The following DHX8 variants were observed in gnomAD, a reference collection of about 807,000 sequenced individuals.
DHX8 encodes the protein DEAH-box helicase 8.
In DHX8, 67 loss-of-function variants were observed where a neutral mutation model predicts 140.7. The observed-to-expected ratio is 0.48, with a 90% confidence interval of 0.39 to 0.58. The LOEUF (loss-of-function observed/expected upper bound fraction) is 0.58, where lower values mean the gene tolerates loss of function less well. Ranked by LOEUF, DHX8 falls within the 20% of genes least tolerant of loss-of-function variation. The pLI is 0.00. For missense variants in DHX8, 887 were observed against 1,550.7 expected (o/e 0.57, Z 7.19); for synonymous variants, 533 against 553.2 (o/e 0.96, Z 0.51).
Position 43,508,371 on chromosome 17 carries a change from G to A in DHX8, c.2353G>A (p.Glu785Lys). Reference sequence around the variant, plus strand: ...CCTGGTCTTCCTGACTGGTCAGGAAGAAATTGATACTGCTTGTGAGATCCT... The same window carrying A: ...CCTGGTCTTCCTGACTGGTCAGGAAAAAATTGATACTGCTTGTGAGATCCT... ...DILVFLTGQEEIDTACEILYE... is the reference protein window; with the variant it reads ...DILVFLTGQEKIDTACEILYE... The change falls in exon 16 of 23, where the codon GAA becomes AAA. Residue 785 changes from glutamate (E) to lysine (K), a missense_variant. Physicochemically the swap from Glu to Lys is moderately conservative, Grantham distance 56 (BLOSUM62 1). Coordinates refer to ENST00000262415, the MANE Select transcript of DHX8 (RefSeq NM_004941.3). 6.2e-7 allele frequency: 1 copy of A among 1,612,590 alleles called. No homozygotes were observed. Among genetic ancestry groups the A allele is most frequent in the Non-Finnish European group, 8.5e-7 (1 of 1,178,850 alleles).
At chr17:43,530,069 A>G (rs1202640660), downstream of DHX8, 3 of 1,609,918 alleles carry the variant, frequency 1.9e-6, no homozygotes, top group African/African-American at 1.3e-5. Flanking sequence ...CCCTCCCCCA[A>G]CATGGAGGGC....
chr17:43,536,565 A>G, intron 3 of DHX8: 1 of 1,195,474 alleles, frequency 8.4e-7, no homozygotes, highest in Non-Finnish European at 1.2e-6. Context: ...GCAGATTAGC[A>G]ACAGCCAAGA....
intron 2 of DHX8, among the ~76,000 whole-genome samples, chr17:43,532,391 C>T (rs534997024): frequency 6.6e-5 from 10 of 151,788 alleles, no homozygotes; most frequent in East Asian, 3.9e-4. Context: ...CCCAGGTACT[C>T]GGGAGGCTGA....
Position 43,493,618 on chromosome 17 carries a change from A to C in DHX8, c.1008+29A>C, listed in dbSNP as rs1555550253. The C allele has an allele frequency of 5.6e-6, 9 of 1,614,034 alleles. No individual in the cohort carries two copies. In the South Asian group the frequency reaches 9.9e-5, roughly 18 times the overall value. On this transcript the variant is annotated intron_variant, in intron 7 of 22. Transcript: ENST00000262415. ...GGTGAGATGGTCAGCCTGTTCTTAC[A>C]TGTGATGGCCAAGGGAATGGAAGAG...
In DHX8 at chr17:43,520,765, T is replaced by C; in HGVS notation, c.2952T>C (p.Pro984=). The C allele has an allele frequency of 6.2e-7, 1 of 1,614,090 alleles. No homozygotes were observed. The highest frequency in any genetic ancestry group is 1.3e-5 in the African/African-American group (1 of 75,044). ...TRLGRRMAEF[P]LEPMLCKMLI... The stretch of plus-strand genomic sequence containing the variant: ...TGTCCCTCTAGATGGCAGAGTTCCC[T>C]CTGGAGCCAATGCTATGCAAAATGC... Residue 984 remains proline (P), a synonymous_variant, in exon 20 of 23, where the codon CCT becomes CCC. Coordinates refer to ENST00000262415, the MANE Select transcript of DHX8 (RefSeq NM_004941.3).
downstream of DHX8, chr17:43,530,406 A>G (rs1392470173): frequency 7.7e-6 from 11 of 1,421,032 alleles, no homozygotes; most frequent in Non-Finnish European, 9.2e-6. Flanking sequence ...GGCTGAGGCC[A>G]TGGAAGGCAG....
intron 2 of DHX8, chr17:43,533,146 A>G: frequency 6.2e-7 from 1 of 1,602,048 alleles, no homozygotes; most frequent in Non-Finnish European, 8.5e-7. Flanking sequence ...AATTGAAAAA[A>G]CACCTGGGCC....
At chr17:43,506,771 A>G (rs1030756669) in intron 12 of DHX8, among the ~76,000 whole-genome samples, 5 of 152,202 alleles carry the variant, frequency 3.3e-5, no homozygotes, top group Non-Finnish European at 7.3e-5. Flanking sequence ...GGGGAAAGAT[A>G]TAGAAATTTG....
Position 43,496,174 on chromosome 17 carries a change from T to C in DHX8, c.1213-7T>C. The stretch of plus-strand genomic sequence containing the variant: ...GTTACAAATGCTGCCTTCTCTTCTT[T>C]GGCTAGATGATTGCTGCCAATGTCC... On this transcript the variant is annotated splice_region_variant and splice_polypyrimidine_tract_variant and intron_variant, in intron 8 of 22. Coordinates refer to ENST00000262415, the MANE Select transcript of DHX8 (RefSeq NM_004941.3). The C allele has an allele frequency of 3.7e-6, 6 of 1,611,362 alleles. No individual in the cohort carries two copies. Among genetic ancestry groups the C allele is most frequent in the Non-Finnish European group, 4.2e-6 (5 of 1,178,456 alleles).
downstream of DHX8, chr17:43,530,247 A>C: frequency 6.5e-7 from 1 of 1,549,240 alleles, no homozygotes; most frequent in Admixed American, 2.0e-5. Flanking sequence ...GGGGAGGAGG[A>C]AGTCCTATCC....
downstream of DHX8, chr17:43,526,278 ATCT>A: frequency 7.4e-7 from 1 of 1,352,430 alleles, no homozygotes; most frequent in Middle Eastern, 2.9e-4. Flanking sequence ...GAGAGCTGGG[ATCT>A]TCTTGGCCAT....
At chr17:43,518,525 T>C (rs1970222575) in intron 18 of DHX8, 1 of 152,204 alleles carries the variant, frequency 6.6e-6, no homozygotes, top group Non-Finnish European at 1.5e-5. Flanking sequence ...CCCTCATAGA[T>C]ATATAGTAGA....
chr17:43,537,057 T>G (rs996316820), intron 3 of DHX8, among the ~76,000 whole-genome samples: 2 of 152,248 alleles, frequency 1.3e-5, no homozygotes, highest in African/African-American at 4.8e-5. Flanking sequence ...AGTGGGATCC[T>G]GTGGATTTAA....
chr17:43,492,638 C>A, intron 5 of DHX8, 43 bp from the exon 6 acceptor site: 1 of 1,191,570 alleles, frequency 8.4e-7, no homozygotes, highest in Non-Finnish European at 1.2e-6. Context: ...AAGATGAAAT[C>A]GGATTGGTTT....
chr17:43,487,056 CCA>C (rs1567672082), intron 1 of DHX8, among the ~76,000 whole-genome samples: 1 of 152,098 alleles, frequency 6.6e-6, no homozygotes, highest in African/African-American at 2.4e-5. Context: ...CTAGCTCCCC[CCA>C]GTTATTATTG....
intron 11 of DHX8, among the ~76,000 whole-genome samples, chr17:43,504,443 C>G (rs1221758730): frequency 6.6e-6 from 1 of 152,242 alleles, no homozygotes; most frequent in African/African-American, 2.4e-5. Flanking sequence ...TGTAGCACCA[C>G]TTGTTACAGT....
chr17:43,510,905 A>AT (rs1362262352), intron 16 of DHX8, among the ~76,000 whole-genome samples: 1 of 152,102 alleles, frequency 6.6e-6, no homozygotes, highest in African/African-American at 2.4e-5. Context: ...ATTTCCAGTG[A>AT]TTTTTCCAGA....
chr17:43,526,649 C>G (rs895031567), downstream of DHX8: 35 of 1,529,976 alleles, frequency 2.3e-5, no homozygotes, highest in African/African-American at 4.5e-4. Context: ...GGAGACCTTT[C>G]TTTCCCTGGA....
chr17:43,522,578 G>A (rs933267970), intron 22 of DHX8, among the ~76,000 whole-genome samples: 3 of 151,504 alleles, frequency 2.0e-5, no homozygotes, highest in African/African-American at 7.3e-5. Context: ...GAGAAACCCT[G>A]TCTCTACTAA....
Sources: gnomAD v4.1 joint callset for allele counts (sites outside exome capture counted in the v4.1 genomes callset) on GRCh38, gnomAD v4.1.1 for gene constraint, MANE v1.5 for transcripts, NCBI Gene and HGNC (gene_info 2026-07-23, HGNC 2026-07-21) for gene names.